Variants in CEMIP observed in about 807,000 individuals in gnomAD.
The protein encoded by CEMIP is cell migration-inducing and hyaluronan-binding protein.
Under a neutral mutation model 156.9 loss-of-function variants are expected in CEMIP, and 105 were observed. That is an observed-to-expected ratio of 0.67 (90% CI 0.57 to 0.79). The LOEUF is 0.79. Among genes scored for constraint, CEMIP ranks in the 30% least tolerant of loss-of-function variants. The pLI, the probability that CEMIP is intolerant of heterozygous loss-of-function variation, is 0.00. For synonymous variants in CEMIP, 676 were observed against 668.4 expected, an observed-to-expected ratio of 1.01 and a Z score of -0.17; for missense variants, 1,457 against 1,769.4, an observed-to-expected ratio of 0.82 and a Z score of 3.17.
chr15:80,927,626 A>AGACTCATTCCAAGGTAGCCTAGGATC (rs1217001441), intron 19 of CEMIP, among the ~76,000 whole-genome samples: 3 of 152,174 alleles, frequency 2.0e-5, no homozygotes, highest in Non-Finnish European at 4.4e-5. Context: ...ATCCCCCACC[A>AGACTCATTCCAAGGTAGCCTAGGATC]GACTCATTCC....
At chr15:80,902,233 G>A (rs927991682) in intron 12 of CEMIP, among the ~76,000 whole-genome samples, 4 of 152,222 alleles carry the variant, frequency 2.6e-5, no homozygotes, top group Non-Finnish European at 2.9e-5. Flanking sequence ...GACTAGGGAA[G>A]GGTGACATCT....
chr15:80,856,142 G>A (rs573208677), intron 1 of CEMIP, among the ~76,000 whole-genome samples: 28 of 152,346 alleles, frequency 1.8e-4, no homozygotes, highest in African/African-American at 6.7e-4. Context: ...GGAAGGGGAT[G>A]AGGGAACTTT....
At chr15:80,835,552 G>A (rs2141689695) in intron 1 of CEMIP, among the ~76,000 whole-genome samples, 1 of 152,358 alleles carries the variant, frequency 6.6e-6, no homozygotes, top group South Asian at 2.1e-4. Flanking sequence ...AAAGAAGGAA[G>A]CAGTTTGTCT....
At chr15:80,879,179 G>C (rs1898563196) in intron 4 of CEMIP, among the ~76,000 whole-genome samples, 2 of 152,204 alleles carry the variant, frequency 1.3e-5, no homozygotes, top group African/African-American at 2.4e-5. Flanking sequence ...TGACCAGACA[G>C]GCATTATTTA....
intron 1 of CEMIP, among the ~76,000 whole-genome samples, chr15:80,860,379 G>T (rs762445518): frequency 6.6e-6 from 1 of 152,144 alleles, no homozygotes; most frequent in African/African-American, 2.4e-5. Context: ...TTCTCTCTGG[G>T]CACTAGAATA....
At chr15:80,806,166 C>A (rs750570) in intron 1 of CEMIP, among the ~76,000 whole-genome samples, 78,753 of 152,088 alleles carry the variant, frequency 0.52, 21,760 homozygotes, top group Non-Finnish European at 0.62. Flanking sequence ...CCCATACCAA[C>A]GTATGTCATG....
intron 10 of CEMIP, among the ~76,000 whole-genome samples, chr15:80,891,529 G>A (rs769120320): frequency 3.9e-5 from 6 of 152,210 alleles, no homozygotes; most frequent in Non-Finnish European, 8.8e-5. Flanking sequence ...GAGAACAGAA[G>A]ATTCAACAGC....
rs1399467320 is a variant in CEMIP at position 80,884,183 on chromosome 15, C to G, written c.626C>G (p.Thr209Ser). 1 of 1,614,134 alleles carries G rather than the reference C, an allele frequency of 6.2e-7. No individual in the cohort carries two copies. The highest frequency in any genetic ancestry group is 1.1e-5 in the South Asian group (1 of 91,086). Residue 209 changes from threonine (T) to serine (S), a missense_variant, in exon 7 of 30, where the codon ACC (threonine) becomes AGC (serine). By Grantham distance (58) the Thr-to-Ser change is moderately conservative. This residue lies in a region of CEMIP where 309 missense variants were observed against 340.8 expected (regional missense o/e 0.91). Coordinates refer to ENST00000394685, the MANE Select transcript of CEMIP (RefSeq NM_001293298.2). The stretch of plus-strand genomic sequence containing the variant: ...CTCTCTGCCCTTTTTAGGTTTGACA[C>G]CTATAGATCCAAGAAAGAGAGTGAA... ...GTVIHSDRFD[T>S]YRSKKESERL...
intron 5 of CEMIP, among the ~76,000 whole-genome samples, chr15:80,880,465 C>A (rs1321409707): frequency 1.3e-5 from 2 of 152,196 alleles, no homozygotes; most frequent in East Asian, 3.9e-4. Flanking sequence ...GAGATGGAAT[C>A]TTGCTCTGTG....
At chr15:80,868,739 A>G (rs11629703) in intron 1 of CEMIP, among the ~76,000 whole-genome samples, 43,816 of 152,128 alleles carry the variant, frequency 0.29, 6,826 homozygotes, top group East Asian at 0.6. Flanking sequence ...TCCATAAACT[A>G]GAGATAATAA....
At chr15:80,880,835 C>T in intron 5 of CEMIP, 65 bp from the exon 6 acceptor site, 1 of 1,378,142 alleles carries the variant, frequency 7.3e-7, no homozygotes, top group Non-Finnish European at 1.0e-6. Flanking sequence ...CCTAGGTTCC[C>T]TCTGGGTTCA....
At chr15:80,911,061 A>G (rs1900032717) in intron 14 of CEMIP, among the ~76,000 whole-genome samples, 1 of 152,168 alleles carries the variant, frequency 6.6e-6, no homozygotes, top group Non-Finnish European at 1.5e-5. Flanking sequence ...TGGGCCAGTC[A>G]TTTTACTGCT....
intron 1 of CEMIP, among the ~76,000 whole-genome samples, chr15:80,857,684 G>C (rs970559094): frequency 6.6e-6 from 1 of 152,204 alleles, no homozygotes; most frequent in Non-Finnish European, 1.5e-5. Flanking sequence ...GGGTGATGCT[G>C]ATGTTGCTGG....
Position 80,948,800 on chromosome 15 carries a change from A to G in CEMIP, c.3962A>G (p.Gln1321Arg), listed in dbSNP as rs1192345553. Reference protein sequence around the residue: ...GADRGLKLKEQMAFVGFKGSF... With the variant: ...GADRGLKLKERMAFVGFKGSF... ...GAGACTCATCATTGCTTTTCAGAGC[A>G]AATGGCATTCGTTGGCTTCAAAGGC... The change falls in exon 30 of 30, where the codon CAA becomes CGA. Residue 1321 changes from glutamine (Q) to arginine (R), a missense_variant. Gln to Arg is a conservative substitution (Grantham distance 43). Coordinates refer to ENST00000394685, the MANE Select transcript of CEMIP (RefSeq NM_001293298.2). 2 of 1,614,088 alleles carry G rather than the reference A, an allele frequency of 1.2e-6. No homozygotes were observed. The highest frequency in any genetic ancestry group is 1.7e-6 in the Non-Finnish European group (2 of 1,180,052).
rs1017591668 is a variant in CEMIP, at chr15:80,900,134, G to C, written c.1411+4074G>C. ...AGGCCTGCACGGGAGTTCTCACTTT[G>C]AGCAGGTCCTGACAAGGCAGCTGTG... On this transcript the variant is annotated intron_variant, in intron 12 of 29. Coordinates refer to ENST00000394685, the MANE Select transcript of CEMIP (RefSeq NM_001293298.2). Among the ~76,000 whole-genome samples, 18 of 152,234 alleles carry C rather than the reference G, an allele frequency of 1.2e-4. 1 individual carries two copies. Among genetic ancestry groups the C allele is most frequent in the African/African-American group, 3.9e-4 (16 of 41,466 alleles).
At chr15:80,863,266 C>A (rs1020249743) in intron 1 of CEMIP, among the ~76,000 whole-genome samples, 3 of 152,182 alleles carry the variant, frequency 2.0e-5, no homozygotes, top group African/African-American at 4.8e-5. Context: ...AATACACCCA[C>A]CTGTTTTGAT....
intron 1 of CEMIP, among the ~76,000 whole-genome samples, chr15:80,847,190 A>G (rs1897582584): frequency 1.3e-5 from 2 of 152,182 alleles, no homozygotes; most frequent in Non-Finnish European, 2.9e-5. Flanking sequence ...TTAGGATTAC[A>G]GGCATGCACC....
At chr15:80,862,060 C>A (rs1286682570) in intron 1 of CEMIP, among the ~76,000 whole-genome samples, 1 of 152,246 alleles carries the variant, frequency 6.6e-6, no homozygotes, top group Non-Finnish European at 1.5e-5. Context: ...CCCCTTGGCC[C>A]TGGCAGACTT....
intron 1 of CEMIP, among the ~76,000 whole-genome samples, chr15:80,851,155 G>A (rs1274683429): frequency 6.6e-6 from 1 of 151,918 alleles, no homozygotes; most frequent in Non-Finnish European, 1.5e-5. Context: ...GAGTGACTAT[G>A]TGGGAGGGGG....
Sources: gnomAD v4.1 joint callset for allele counts (sites outside exome capture counted in the v4.1 genomes callset) on GRCh38, gnomAD v4.1.1 for gene constraint, gnomAD v4.1.1 regional missense constraint, MANE v1.5 for transcripts, NCBI Gene and HGNC (gene_info 2026-07-23, HGNC 2026-07-21) for gene names.